The following PPM1L variants were observed in gnomAD, a reference collection of about 807,000 sequenced individuals.
PPM1L encodes the protein protein phosphatase 1L.
PPM1L carries 13 observed loss-of-function variants against 31.4 expected under a neutral mutation model. The observed-to-expected ratio is 0.41, with a 90% CI of 0.27 to 0.66. The LOEUF (loss-of-function observed/expected upper bound fraction) is 0.66. PPM1L is among the 30% of genes least tolerant of loss of function. PPM1L has a pLI of 0.29. For synonymous variants in PPM1L, 184 were observed against 175.4 expected, an observed-to-expected ratio of 1.05 and a Z score of -0.39; for missense variants, 326 against 453.7, an observed-to-expected ratio of 0.72 and a Z score of 2.56.
intron 3 of PPM1L, among the ~76,000 whole-genome samples, chr3:161,066,833 A>G (rs1054719906): frequency 3.3e-5 from 5 of 152,208 alleles, no homozygotes; most frequent in Non-Finnish European, 7.3e-5. Flanking sequence ...CCTAATCAAC[A>G]TTTTAGTTTT....
intron 1 of PPM1L, among the ~76,000 whole-genome samples, chr3:160,801,941 C>T (rs1712441576): frequency 6.6e-6 from 1 of 152,134 alleles, no homozygotes; most frequent in Admixed American, 6.5e-5. Flanking sequence ...GCCTAATCTG[C>T]CGCAGAGCTA....
Position 160,978,030 on chromosome 3 carries a change from T to C in PPM1L, c.574+16120T>C, listed in dbSNP as rs542632208. On this transcript the variant is annotated intron_variant, in intron 2 of 3. Transcript: ENST00000498165. Reference sequence around the variant, plus strand: ...CTTACAATTGGTTTATTTAGGAATATCACCCCAAGGAACAGGAGTGAGGGG... The same window carrying C: ...CTTACAATTGGTTTATTTAGGAATACCACCCCAAGGAACAGGAGTGAGGGG... Among the ~76,000 whole-genome samples the C allele has an allele frequency of 2.6e-5, 4 of 152,224 alleles. No homozygotes were observed. In the South Asian group the frequency reaches 8.3e-4, roughly 32 times the overall value.
chr3:160,909,127 G>A (rs887832186), intron 1 of PPM1L, among the ~76,000 whole-genome samples: 7 of 152,140 alleles, frequency 4.6e-5, no homozygotes, highest in Non-Finnish European at 1.0e-4. Context: ...CCTTAGAAAC[G>A]TTTTTGTAAA....
At chr3:160,832,056 A>G (rs1044561624) in intron 1 of PPM1L, among the ~76,000 whole-genome samples, 8 of 152,246 alleles carry the variant, frequency 5.3e-5, no homozygotes, top group African/African-American at 1.9e-4. Context: ...CTTATTGAAT[A>G]CCATCTACGT....
intron 1 of PPM1L, among the ~76,000 whole-genome samples, chr3:160,768,293 A>C (rs1452186387): frequency 2.6e-5 from 4 of 152,158 alleles, no homozygotes. Flanking sequence ...CATCAAGGAG[A>C]TTCCACATTT....
chr3:160,814,605 GTATATATATACACACACATATGTATGTA>G (rs1712924067), intron 1 of PPM1L, among the ~76,000 whole-genome samples: 1 of 122,500 alleles, frequency 8.2e-6, no homozygotes, highest in Non-Finnish European at 1.7e-5. Flanking sequence ...GTATGTATGT[GTATATATATACACACACATATGTATGTA>G]TGTGTATATA....
intron 2 of PPM1L, among the ~76,000 whole-genome samples, chr3:161,005,582 C>T (rs1717678118): frequency 6.6e-6 from 1 of 152,120 alleles, no homozygotes; most frequent in Non-Finnish European, 1.5e-5. Context: ...TAAATTCTGG[C>T]TATCACTTAC....
chr3:160,986,942 G>A (rs1716982690), intron 2 of PPM1L, among the ~76,000 whole-genome samples: 1 of 152,174 alleles, frequency 6.6e-6, no homozygotes, highest in African/African-American at 2.4e-5. Flanking sequence ...AATAGTCCTT[G>A]AATTTACAAC....
At chr3:160,782,867 T>A (rs1280985052) in intron 1 of PPM1L, among the ~76,000 whole-genome samples, 1 of 152,216 alleles carries the variant, frequency 6.6e-6, no homozygotes, top group Non-Finnish European at 1.5e-5. Flanking sequence ...TTTGCTCAGT[T>A]TTTAAATACT....
At chr3:160,837,576 G>A (rs141569935) in intron 1 of PPM1L, among the ~76,000 whole-genome samples, 82 of 152,290 alleles carry the variant, frequency 5.4e-4, no homozygotes, top group Admixed American at 2.8e-3. Flanking sequence ...GGCCCCAGTA[G>A]ATGTAAATGC....
intron 1 of PPM1L, among the ~76,000 whole-genome samples, chr3:160,845,180 T>G (rs1172739756): frequency 6.6e-6 from 1 of 152,132 alleles, no homozygotes; most frequent in Non-Finnish European, 1.5e-5. Flanking sequence ...GTTCCCACTT[T>G]TTGGCTACTA....
At chr3:160,786,187 G>GTATATATATA (rs1190262298) in intron 1 of PPM1L, among the ~76,000 whole-genome samples, 6 of 39,444 alleles carry the variant, frequency 1.5e-4, no homozygotes, top group South Asian at 2.7e-3. Context: ...GTGTGTGTGT[G>GTATATATATA]TATATATATA....
intron 2 of PPM1L, among the ~76,000 whole-genome samples, chr3:160,982,872 G>A (rs898174320): frequency 1.3e-5 from 2 of 152,148 alleles, no homozygotes; most frequent in Non-Finnish European, 2.9e-5. Flanking sequence ...AGACTGTGAT[G>A]GAACTGCAAG....
chr3:160,958,911 G>A lies in PPM1L; in HGVS notation c.400-2825G>A, dbSNP rs1203718926. Among the ~76,000 whole-genome samples, 4 of 152,176 alleles carry A rather than the reference G, an allele frequency of 2.6e-5. No homozygotes were observed. In the East Asian group the frequency reaches 5.8e-4, roughly 22 times the overall value. Reference sequence around the variant, plus strand: ...CCTAAATTTTGTTATCATTTAAAGAGAAAATCATGAAGGTTATAAAGAAAT... The same window carrying A: ...CCTAAATTTTGTTATCATTTAAAGAAAAAATCATGAAGGTTATAAAGAAAT... On this transcript the variant is annotated intron_variant, in intron 1 of 3. Coordinates refer to ENST00000498165, the MANE Select transcript of PPM1L (RefSeq NM_139245.4).
At chr3:160,899,830 A>G (rs1240160459) in intron 1 of PPM1L, among the ~76,000 whole-genome samples, 3 of 152,184 alleles carry the variant, frequency 2.0e-5, no homozygotes, top group African/African-American at 7.2e-5. Flanking sequence ...TTTGAAGTGA[A>G]TATTTAAATG....
chr3:160,849,585 TA>T (rs1333273241), intron 1 of PPM1L, among the ~76,000 whole-genome samples: 3 of 151,770 alleles, frequency 2.0e-5, no homozygotes, highest in Non-Finnish European at 4.4e-5. Flanking sequence ...CACGCCCGGC[TA>T]ATTTTTTTTT....
chr3:161,044,979 C>A (rs541652385), intron 2 of PPM1L, among the ~76,000 whole-genome samples: 1 of 152,246 alleles, frequency 6.6e-6, no homozygotes, highest in East Asian at 1.9e-4. Flanking sequence ...ATCCTAGTCT[C>A]TGATAAAACA....
intron 1 of PPM1L, among the ~76,000 whole-genome samples, chr3:160,903,204 A>ATGTT (rs1256727191): frequency 1.7e-5 from 1 of 57,782 alleles, no homozygotes. Flanking sequence ...GTATGTGTGT[A>ATGTT]TGTTTGTGTG....
rs535998329 is a variant in PPM1L, at chr3:160,830,486, C to T, written c.399+73779C>T. Among the ~76,000 whole-genome samples the T allele has an allele frequency of 3.3e-5, 5 of 152,188 alleles. No individual in the cohort carries two copies. The South Asian group carries it at 1.0e-3, about 32-fold the overall frequency. ...GTAAACCGGAGTATTTTACGTTATT[C>T]CCACCGTACCCTGAAAATTTAGGAT... On this transcript the variant is annotated intron_variant, in intron 1 of 3. Transcript: ENST00000498165.
Sources: allele counts gnomAD v4.1 joint callset (sites outside exome capture counted in the v4.1 genomes callset), GRCh38; gene constraint gnomAD v4.1.1; transcripts MANE v1.5; gene names NCBI Gene and HGNC (gene_info 2026-07-23, HGNC 2026-07-21).